HDAC9: variants seen among roughly 807,000 people sequenced by gnomAD.
HDAC9 encodes histone deacetylase 9, also known as MEF-2 interacting transcription repressor (MITR) protein.
HDAC9 carries 41 observed loss-of-function variants against 139.4 expected under a neutral mutation model. That is an observed-to-expected ratio of 0.29 (90% confidence interval 0.23 to 0.38). The LOEUF is 0.38. Among genes scored for constraint, HDAC9 ranks in the 10% least tolerant of loss-of-function variants. The pLI, the probability that HDAC9 is intolerant of heterozygous loss-of-function variation, is 1.00. For missense variants in HDAC9, 1,147 were observed against 1,297.0 expected, an observed-to-expected ratio of 0.88 and a Z score of 1.78; for synonymous variants, 517 against 476.2, an observed-to-expected ratio of 1.09 and a Z score of -1.12.
chr7:18,716,751 A>T (rs1784729560), intron 12 of HDAC9, among the ~76,000 whole-genome samples: 1 of 152,004 alleles, frequency 6.6e-6, no homozygotes, highest in South Asian at 2.1e-4. Flanking sequence ...AAGTCCCTAA[A>T]CCTCAATCCA....
At position 18,568,026 on chromosome 7, in the gene HDAC9, G is replaced by GTGTATATATATATA. The variant is rs1384273199; in HGVS notation, c.23-17254_23-17253insGTATATATATATAT. 6.1e-3 allele frequency among the ~76,000 whole-genome samples: 771 copies of GTGTATATATATATA among 126,770 alleles called. 22 individuals are homozygous for GTGTATATATATATA. Among genetic ancestry groups the GTGTATATATATATA allele is most frequent in the Middle Eastern group, 0.016 (4 of 244 alleles). 83.2% of individuals were successfully genotyped at this position (126,770 alleles called of 152,430 possible). On this transcript the variant is annotated intron_variant, in intron 2 of 25. Transcript: ENST00000686413. ...TTATACATACAGGATATATGTATAT[G>GTGTATATATATATA]TATATATATATATATATATATATAT...
chr7:18,857,335 T>TTGTGTGTGTGTGTGTGTGTG lies in HDAC9; in HGVS notation c.2685-17133_2685-17114dup, dbSNP rs375575248. On this transcript the variant is annotated intron_variant, in intron 21 of 25. Transcript: ENST00000686413. ...TATTGTTTCACAAAATATGTTTTAG[T>TTGTGTGTGTGTGTGTGTGTG]TGTGTGTGTGTGTGTGTGTGTGTGT... 4.9e-3 allele frequency among the ~76,000 whole-genome samples: 696 copies of TTGTGTGTGTGTGTGTGTGTG among 140,928 alleles called. 7 individuals carry two copies. Among genetic ancestry groups the TTGTGTGTGTGTGTGTGTGTG allele is most frequent in the Middle Eastern group, 0.015 (4 of 268 alleles). 92.5% of individuals were successfully genotyped at this position (140,928 alleles called of 152,430 possible). A position where few individuals can be genotyped will look rare whatever the true frequency, so the allele number is the denominator to read the frequency against.
At chr7:18,384,508 T>G (rs1016706319) in intron 1 of HDAC9, among the ~76,000 whole-genome samples, 2 of 152,188 alleles carry the variant, frequency 1.3e-5, no homozygotes, top group Non-Finnish European at 2.9e-5. Flanking sequence ...GAAACTAATA[T>G]TTTTCAATAT....
At chr7:18,455,371 T>G (rs540013627) in intron 1 of HDAC9, among the ~76,000 whole-genome samples, 1 of 152,326 alleles carries the variant, frequency 6.6e-6, no homozygotes, top group Non-Finnish European at 1.5e-5. Context: ...TTTTCTCATT[T>G]TTTTGTGTAA....
intron 2 of HDAC9, among the ~76,000 whole-genome samples, chr7:18,197,038 A>C (rs887911149): frequency 6.6e-6 from 1 of 152,188 alleles, no homozygotes; most frequent in East Asian, 1.9e-4. Context: ...AATTGGTTGA[A>C]GGCCTGAGTA....
chr7:18,733,732 C>G (rs1359905729), intron 13 of HDAC9, among the ~76,000 whole-genome samples: 1 of 151,524 alleles, frequency 6.6e-6, no homozygotes, highest in Non-Finnish European at 1.5e-5. Flanking sequence ...CTTTTTATAC[C>G]TAAGAATTTC....
At chr7:18,661,443 C>T (rs953958902) in intron 11 of HDAC9, among the ~76,000 whole-genome samples, 8 of 151,966 alleles carry the variant, frequency 5.3e-5, no homozygotes, top group African/African-American at 1.9e-4. Context: ...TGGAATTGCT[C>T]CTATTAATCC....
At chr7:18,533,345 C>T (rs1273732805) in intron 2 of HDAC9, among the ~76,000 whole-genome samples, 1 of 152,070 alleles carries the variant, frequency 6.6e-6, no homozygotes, top group East Asian at 1.9e-4. Context: ...TTGCGTAATC[C>T]TCTCTTTCTT....
chr7:18,103,948 C>T (rs1490717960), intron 1 of HDAC9, among the ~76,000 whole-genome samples: 1 of 152,176 alleles, frequency 6.6e-6, no homozygotes, highest in Non-Finnish European at 1.5e-5. Context: ...CAGTTCAGGG[C>T]ACCAGTTGGG....
intron 2 of HDAC9, among the ~76,000 whole-genome samples, chr7:18,199,754 C>CAAAAAA (rs59883693): frequency 1.8e-5 from 1 of 55,710 alleles, no homozygotes; most frequent in Non-Finnish European, 3.2e-5. Context: ...ATGTGTCTAC[C>CAAAAAA]AAAAAAAAAA....
At position 18,594,019 on chromosome 7, in the gene HDAC9, T is replaced by C. The variant is rs1214314372; in HGVS notation, c.654T>C (p.Leu218=). 1.2e-6 allele frequency: 2 copies of C among 1,612,266 alleles called. No individual in the cohort carries two copies. Among genetic ancestry groups the C allele is most frequent in the Non-Finnish European group, 1.7e-6 (2 of 1,178,874 alleles). Residue 218 remains leucine (L), a synonymous_variant, in exon 6 of 26, where the codon CTT becomes CTC. Transcript: ENST00000686413. ...GAQDAKDDFP[L]RKTASEPNLK... ...AAGATGCAAAGGATGATTTCCCCCTTCGAAAAACTGGTAAGTTGGTTTAAC... is the reference window on the plus strand; with the variant it reads ...AAGATGCAAAGGATGATTTCCCCCTCCGAAAAACTGGTAAGTTGGTTTAAC...
intron 1 of HDAC9, among the ~76,000 whole-genome samples, chr7:18,298,497 A>C (rs1363251211): frequency 2.6e-5 from 4 of 151,502 alleles, no homozygotes; most frequent in Non-Finnish European, 5.9e-5. Flanking sequence ...ATGTGATCTC[A>C]TTGTTCAATT....
At chr7:18,918,705 C>A (rs1018575775) in intron 22 of HDAC9, among the ~76,000 whole-genome samples, 1 of 152,010 alleles carries the variant, frequency 6.6e-6, no homozygotes, top group African/African-American at 2.4e-5. Context: ...TGTGCCACCT[C>A]CATTGTTTTC....
chr7:18,379,780 A>G (rs1785275532), intron 1 of HDAC9, among the ~76,000 whole-genome samples: 1 of 152,192 alleles, frequency 6.6e-6, no homozygotes, highest in Non-Finnish European at 1.5e-5. Context: ...CATTATTGGC[A>G]AATAATTATA....
intron 1 of HDAC9, among the ~76,000 whole-genome samples, chr7:18,103,622 C>G (rs1200167250): frequency 6.6e-6 from 1 of 152,068 alleles, no homozygotes; most frequent in Non-Finnish European, 1.5e-5. Flanking sequence ...CACGTACAGC[C>G]AAAGCTATAT....
intron 1 of HDAC9, among the ~76,000 whole-genome samples, chr7:18,379,176 T>G (rs747619654): frequency 1.3e-5 from 2 of 152,176 alleles, no homozygotes; most frequent in Non-Finnish European, 2.9e-5. Flanking sequence ...AAAATGCACT[T>G]AAGAGAATGA....
chr7:18,579,341 G>C (rs73313258), intron 2 of HDAC9, among the ~76,000 whole-genome samples: 3,827 of 152,248 alleles, frequency 0.025, 157 homozygotes, highest in African/African-American at 0.087. Flanking sequence ...GAAGCCTTGA[G>C]ACAGCTATTC....
intron 2 of HDAC9, among the ~76,000 whole-genome samples, chr7:18,531,971 G>T (rs1275035906): frequency 6.6e-6 from 1 of 152,150 alleles, no homozygotes; most frequent in Non-Finnish European, 1.5e-5. Context: ...TTAAAAGGCT[G>T]GGCACAGTGG....
In HDAC9 at chr7:18,263,466, C is replaced by G. The variant is rs549869041; in HGVS notation, c.25+101117C>G. Among the ~76,000 whole-genome samples the G allele has an allele frequency of 2.0e-5, 3 of 152,218 alleles. No individual in the cohort carries two copies. In the South Asian group the frequency reaches 6.2e-4, roughly 32 times the overall value. ...ACCAAACATTTACTGACTCAGGCAC[C>G]TATTCTTGATTTCTGTTCACCTGTT... On this transcript the variant is annotated intron_variant, in intron 2 of 12. Transcript: ENST00000417496.
Sources: allele counts gnomAD v4.1 joint callset (sites outside exome capture counted in the v4.1 genomes callset), GRCh38; gene constraint gnomAD v4.1.1; transcripts MANE v1.5; gene names NCBI Gene and HGNC (gene_info 2026-07-23, HGNC 2026-07-21).